Variants in SDK1 observed in about 807,000 individuals in gnomAD.
SDK1 encodes the protein sidekick cell adhesion molecule 1.
In SDK1, 157 loss-of-function variants were observed where a neutral mutation model predicts 245.5. That is an observed-to-expected ratio of 0.64 (90% CI 0.56 to 0.73). The LOEUF is 0.73. Among genes scored for constraint, SDK1 ranks in the 30% least tolerant of loss-of-function variants. The probability of loss-of-function intolerance (pLI) is 0.00; values close to 1 mark genes in which losing one functional copy is unlikely to be tolerated. For synonymous variants in SDK1, 1,647 were observed against 1,278.5 expected (o/e 1.29, Z -6.15); for missense variants, 3,583 against 3,002.3 (o/e 1.19, Z -4.52).
chr7:3,898,830 A>G (rs1781689082), intron 5 of SDK1, among the ~76,000 whole-genome samples: 1 of 152,190 alleles, frequency 6.6e-6, no homozygotes, highest in African/African-American at 2.4e-5. Context: ...TTTAAGTGCC[A>G]AGAAGTTCAT....
chr7:3,864,852 A>T (rs1490945802), intron 5 of SDK1, among the ~76,000 whole-genome samples: 1 of 152,200 alleles, frequency 6.6e-6, no homozygotes, highest in Non-Finnish European at 1.5e-5. Context: ...GTGGATCACT[A>T]ATACCAGTAG....
chr7:3,450,719 G>C (rs1008457726), intron 1 of SDK1, among the ~76,000 whole-genome samples: 1 of 152,164 alleles, frequency 6.6e-6, no homozygotes, highest in Non-Finnish European at 1.5e-5. Flanking sequence ...CATGTGAAAA[G>C]AGTTGGAGAT....
intron 5 of SDK1, among the ~76,000 whole-genome samples, chr7:3,843,796 T>C (rs1780214297): frequency 6.6e-6 from 1 of 152,116 alleles, no homozygotes. Flanking sequence ...AATGAGGAGC[T>C]TGAGCCAGAT....
chr7:3,607,186 G>GTGC (rs1781451765), intron 1 of SDK1, among the ~76,000 whole-genome samples: 1 of 151,006 alleles, frequency 6.6e-6, no homozygotes, highest in African/African-American at 2.4e-5. Context: ...GTAATTTGTT[G>GTGC]TGCTGCTGCT....
rs769155390 is a variant in SDK1 at position 3,641,939 on chromosome 7, C to T, written c.566-19C>T. 3.7e-6 allele frequency: 6 copies of T among 1,603,070 alleles called. No individual in the cohort carries two copies. The South Asian group carries it at 5.6e-5, about 15-fold the overall frequency. On this transcript the variant is annotated intron_variant, in intron 3 of 44. Coordinates refer to ENST00000404826, the MANE Select transcript of SDK1 (RefSeq NM_152744.4). ...AAAAATGTTTTCTAGAACTTGAAAG[C>T]ACTTCTTTTTCTCTGCAGATATGGG...
At chr7:4,112,623 A>C (rs531488094) in intron 23 of SDK1, among the ~76,000 whole-genome samples, 1 of 152,186 alleles carries the variant, frequency 6.6e-6, no homozygotes, top group African/African-American at 2.4e-5. Flanking sequence ...AGGGCAACTG[A>C]TGACATCAAT....
At position 4,268,036 on chromosome 7, in the gene SDK1, G is replaced by A; in HGVS notation, c.*2652G>A. On this transcript the variant is annotated 3_prime_UTR_variant, in exon 45 of 45. Coordinates refer to ENST00000404826, the MANE Select transcript of SDK1 (RefSeq NM_152744.4). ...TCACAGCCTAGGAAGATGGAGGTTG[G>A]ATTTTAATCTCGGTTTTAAAAAGAG... is the stretch of plus-strand genomic sequence containing the variant. 1 of 985,346 alleles carries A rather than the reference G, an allele frequency of 1.0e-6. No homozygotes were observed. The highest frequency in any genetic ancestry group is 1.2e-6 in the Non-Finnish European group (1 of 829,818). 61.0% of individuals were successfully genotyped at this position (985,346 alleles called of 1,614,324 possible).
rs73296276 is a variant in SDK1 at position 3,563,109 on chromosome 7, G to A, written c.299-55971G>A. The stretch of plus-strand genomic sequence containing the variant: ...AACATACAGATGGATCTGCTGGGGA[G>A]ACATTGTGAAAATGAAAAGCAAGAG... On this transcript the variant is annotated intron_variant, in intron 1 of 44. Coordinates refer to ENST00000404826, the MANE Select transcript of SDK1 (RefSeq NM_152744.4). 8.9e-3 allele frequency among the ~76,000 whole-genome samples: 1,357 copies of A among 152,250 alleles called. 25 individuals are homozygous for A. Among genetic ancestry groups the A allele is most frequent in the African/African-American group, 0.031 (1,277 of 41,544 alleles).
chr7:3,497,397 T>G (rs371819366), intron 1 of SDK1, among the ~76,000 whole-genome samples: 3 of 152,210 alleles, frequency 2.0e-5, no homozygotes, highest in Non-Finnish European at 2.9e-5. Context: ...CTAGATGATG[T>G]TTATCAGTCT....
chr7:3,678,400 A>C (rs1783975714), intron 4 of SDK1, among the ~76,000 whole-genome samples: 2 of 152,220 alleles, frequency 1.3e-5, no homozygotes, highest in Admixed American at 1.3e-4. Flanking sequence ...GGATTAACAA[A>C]ATATGGTCTG....
At chr7:3,937,722 G>T (rs753253771) in intron 5 of SDK1, among the ~76,000 whole-genome samples, 1 of 152,232 alleles carries the variant, frequency 6.6e-6, no homozygotes, top group African/African-American at 2.4e-5. Flanking sequence ...GCCCCTGCCC[G>T]CGCGTCCTGC....
At position 3,754,577 on chromosome 7, in the gene SDK1, A is replaced by C. The variant is rs113320911; in HGVS notation, c.714-66873A>C. On this transcript the variant is annotated intron_variant, in intron 4 of 44. Transcript: ENST00000404826. ...TTCCTCAGTATCCCCTGTTCCCTGC[A>C]TTCTCCAGTGTTCCTCCTTCCTCCC... 2.7e-3 allele frequency among the ~76,000 whole-genome samples: 403 copies of C among 149,342 alleles called. 5 individuals are homozygous for C. Among genetic ancestry groups the C allele is most frequent in the African/African-American group, 9.1e-3 (369 of 40,370 alleles).
intron 1 of SDK1, among the ~76,000 whole-genome samples, chr7:3,380,634 C>T (rs974405048): frequency 2.0e-5 from 3 of 152,112 alleles, no homozygotes; most frequent in Admixed American, 6.5e-5. Flanking sequence ...AAGCTTTTAA[C>T]GTTTTCAAGT....
chr7:4,147,252 G>A (rs1780043120), intron 29 of SDK1, among the ~76,000 whole-genome samples: 1 of 151,892 alleles, frequency 6.6e-6, no homozygotes, highest in Admixed American at 6.6e-5. Context: ...GTGATCATAG[G>A]TCACCGCAGC....
At chr7:3,662,387 C>G (rs1022680450) in intron 4 of SDK1, among the ~76,000 whole-genome samples, 2 of 152,192 alleles carry the variant, frequency 1.3e-5, no homozygotes, top group South Asian at 2.1e-4. Flanking sequence ...GCCAGGGACA[C>G]ATCTTTGCCT....
chr7:3,350,743 T>C (rs1344568691), intron 1 of SDK1, among the ~76,000 whole-genome samples: 1 of 152,176 alleles, frequency 6.6e-6, no homozygotes, highest in African/African-American at 2.4e-5. Context: ...TTTACTGTGT[T>C]AAGATGCTAG....
chr7:3,376,163 C>G (rs370303659), intron 1 of SDK1, among the ~76,000 whole-genome samples: 1 of 152,080 alleles, frequency 6.6e-6, no homozygotes, highest in Non-Finnish European at 1.5e-5. Context: ...TGCCTCTGCA[C>G]TCCAGCCCGG....
At chr7:4,190,638 G>A (rs1368413692) in intron 35 of SDK1, among the ~76,000 whole-genome samples, 1 of 152,238 alleles carries the variant, frequency 6.6e-6, no homozygotes, top group Non-Finnish European at 1.5e-5. Context: ...GCTGCACCCG[G>A]CCCACAGCAG....
chr7:3,819,267 TAG>T (rs1285525257), intron 4 of SDK1, among the ~76,000 whole-genome samples: 4 of 151,816 alleles, frequency 2.6e-5, no homozygotes, highest in Non-Finnish European at 5.9e-5. Context: ...TAAACCTTTA[TAG>T]AAATTAAAAA....
Sources: allele counts gnomAD v4.1 joint callset (sites outside exome capture counted in the v4.1 genomes callset), GRCh38; gene constraint gnomAD v4.1.1; transcripts MANE v1.5; gene names NCBI Gene and HGNC (gene_info 2026-07-23, HGNC 2026-07-21).